Variants in ALDH1A3 observed in about 807,000 individuals in gnomAD.
The protein encoded by ALDH1A3 is retinaldehyde dehydrogenase 3.
In ALDH1A3, 28 loss-of-function variants were observed where a neutral mutation model predicts 57.5. The ratio of observed to expected loss-of-function variants is 0.49; its 90% CI spans 0.36 to 0.67. ALDH1A3 has a LOEUF of 0.67. Among genes scored for constraint, ALDH1A3 ranks in the 30% least tolerant of loss-of-function variants. ALDH1A3 has a pLI of 0.00. For missense variants in ALDH1A3, 507 were observed against 669.4 expected, an observed-to-expected ratio of 0.76 and a Z score of 2.68; for synonymous variants, 281 against 264.8, an observed-to-expected ratio of 1.06 and a Z score of -0.59.
intron 1 of ALDH1A3, among the ~76,000 whole-genome samples, chr15:100,883,839 G>C (rs1163181966): frequency 6.6e-6 from 1 of 152,146 alleles, no homozygotes; most frequent in African/African-American, 2.4e-5. Context: ...CAAGACTCAT[G>C]CTTAGGAGAT....
intron 11 of ALDH1A3, among the ~76,000 whole-genome samples, chr15:100,907,844 C>CTTTCTTTT (rs2041838523): frequency 1.2e-5 from 1 of 81,910 alleles, no homozygotes; most frequent in Non-Finnish European, 2.1e-5. Context: ...TTCTTTCTTT[C>CTTTCTTTT]TTTTTTTTTT....
chr15:100,880,070 G>A lies in ALDH1A3; in HGVS notation c.99+64G>A, dbSNP rs770851706. On this transcript the variant is annotated intron_variant, in intron 1 of 12. Transcript: ENST00000329841. ...CCTGCGCTGGGCAGCCAGACTCGGGGCGGCGGGGGCGAGGGAGCAGCGGGC... is the reference window on the plus strand; with the variant it reads ...CCTGCGCTGGGCAGCCAGACTCGGGACGGCGGGGGCGAGGGAGCAGCGGGC... 1.3e-4 allele frequency: 165 copies of A among 1,223,916 alleles called. No homozygotes were observed. The Middle Eastern group carries it at 1.7e-3, about 13-fold the overall frequency. The allele number at this position is 1,223,916 out of a possible 1,614,324, so 75.8% of individuals were successfully genotyped here.
At chr15:100,880,124 C>G (rs906343109) in intron 1 of ALDH1A3, 118 bp downstream of exon 1, 17 of 640,114 alleles carry the variant, frequency 2.7e-5, no homozygotes, top group Non-Finnish European at 3.3e-5. Flanking sequence ...CGCCGAGACC[C>G]GAGCCTCCCT....
chr15:100,900,893 T>G (rs1429910555), intron 9 of ALDH1A3, 134 bp downstream of exon 9: 4 of 985,030 alleles, frequency 4.1e-6, no homozygotes, highest in Non-Finnish European at 5.9e-6. Context: ...CTTTCTTTTC[T>G]TTAGAAACTG....
Position 100,914,895 on chromosome 15 carries a change from T to A in ALDH1A3, c.*122T>A. 1.2e-6 allele frequency: 1 copy of A among 855,276 alleles called. No homozygotes were observed. Among genetic ancestry groups the A allele is most frequent in the Non-Finnish European group, 1.8e-6 (1 of 549,006 alleles). The allele number at this position is 855,276 out of a possible 1,614,324, so 53.0% of individuals were successfully genotyped here. A position where few individuals can be genotyped will look rare whatever the true frequency, so the allele number is the denominator to read the frequency against. ...CACATTCTTCTGGAGGCTTTACATC[T>A]ACTGGAGTTGAATGATTGCTGTTTT... On this transcript the variant is annotated 3_prime_UTR_variant, in exon 13 of 13. Transcript: ENST00000329841.
rs755197970 is a variant in ALDH1A3, at chr15:100,905,690, A to G, written c.1233+3A>G. On this transcript the variant is annotated splice_donor_region_variant and intron_variant, in intron 10 of 12. Transcript: ENST00000329841. ...ACATGCGGATTGCCAAAGAGGAGGT[A>G]CAAGGGGGCTGTGGCAAGGCTACGA... 3.8e-6 allele frequency: 6 copies of G among 1,559,338 alleles called. No individual in the cohort carries two copies. The highest frequency in any genetic ancestry group is 1.4e-5 in the African/African-American group (1 of 72,922).
chr15:100,914,698 C>T lies in ALDH1A3; in HGVS notation c.1467-3C>T. 6.2e-7 allele frequency: 1 copy of T among 1,613,870 alleles called. No individual in the cohort carries two copies. The highest frequency in any genetic ancestry group is 1.1e-5 in the South Asian group (1 of 91,018). ...TGAATTTTCCTCTTTTCTGTGATCA[C>T]AGAGGTGAATACGCTTTGGCCGAAT... On this transcript the variant is annotated splice_region_variant and splice_polypyrimidine_tract_variant and intron_variant, in intron 12 of 12. Transcript: ENST00000329841.
intron 4 of ALDH1A3, 43 bp from the exon 5 acceptor site, chr15:100,892,902 A>G: frequency 6.2e-7 from 1 of 1,601,706 alleles, no homozygotes. Context: ...CCTAACCTGG[A>G]CTAAGTGAGT....
chr15:100,896,715 A>G (rs563761072), intron 7 of ALDH1A3, among the ~76,000 whole-genome samples: 3 of 152,240 alleles, frequency 2.0e-5, no homozygotes, highest in Non-Finnish European at 2.9e-5. Context: ...AGAAAAAACT[A>G]CTTAGAGAAA....
intron 7 of ALDH1A3, 131 bp downstream of exon 7, chr15:100,896,177 A>G (rs2041701860): frequency 1.4e-6 from 1 of 707,462 alleles, no homozygotes. Flanking sequence ...GTACATAACA[A>G]CCAGTTAAAA....
chr15:100,913,418 C>T (rs893519539), intron 12 of ALDH1A3: 3 of 152,188 alleles, frequency 2.0e-5, no homozygotes, highest in South Asian at 2.1e-4. Context: ...AGAGGCTGCT[C>T]GCATTCCTAG....
intron 12 of ALDH1A3, among the ~76,000 whole-genome samples, chr15:100,911,946 G>A (rs1260813021): frequency 2.0e-5 from 3 of 152,188 alleles, no homozygotes; most frequent in Admixed American, 6.5e-5. Context: ...ATGCAACATT[G>A]TATTCTCACT....
At chr15:100,908,919 G>A (rs939716065) in intron 12 of ALDH1A3, among the ~76,000 whole-genome samples, 6 of 151,944 alleles carry the variant, frequency 3.9e-5, no homozygotes, top group African/African-American at 1.5e-4. Flanking sequence ...TCTGAGCCTA[G>A]TAGGGGACCT....
chr15:100,905,165 A>G (rs926404698), intron 9 of ALDH1A3, among the ~76,000 whole-genome samples: 2 of 152,338 alleles, frequency 1.3e-5, no homozygotes, highest in South Asian at 2.1e-4. Flanking sequence ...TATTTGCTAA[A>G]TTTGGCAACC....
intron 12 of ALDH1A3, 90 bp from the exon 13 acceptor site, chr15:100,914,611 C>T: frequency 7.9e-7 from 1 of 1,265,150 alleles, no homozygotes; most frequent in East Asian, 2.4e-5. Context: ...CCTCCAACGG[C>T]CTGATGGAAT....
intron 8 of ALDH1A3, among the ~76,000 whole-genome samples, 154 bp from the exon 9 acceptor site, chr15:100,900,421 A>G (rs1217323827): frequency 6.6e-6 from 1 of 152,224 alleles, no homozygotes; most frequent in African/African-American, 2.4e-5. Flanking sequence ...TCTATTTGGG[A>G]AAGTCTGCAA....
chr15:100,907,642 G>T (rs2041835530), intron 11 of ALDH1A3, among the ~76,000 whole-genome samples: 1 of 152,110 alleles, frequency 6.6e-6, no homozygotes, highest in South Asian at 2.1e-4. Flanking sequence ...GTGGATACTA[G>T]TCTCTGCCTC....
At position 100,894,458 on chromosome 15, in the gene ALDH1A3, G is replaced by T; in HGVS notation, c.666+376G>T. On this transcript the variant is annotated intron_variant, in intron 6 of 12. Coordinates refer to ENST00000329841, the MANE Select transcript of ALDH1A3 (RefSeq NM_000693.4). This position sits in a 1 kb window ranked among gnomAD's most constrained non-coding sequence, Gnocchi z 4.5. The stretch of plus-strand genomic sequence containing the variant: ...AAATGGTCCATTTTTCTCTGGAGAG[G>T]TGGCCTCGTCAGCTCTAGCTGGGCG... 2 of 206,886 alleles carry T rather than the reference G, an allele frequency of 9.7e-6. No individual in the cohort carries two copies. Among genetic ancestry groups the T allele is most frequent in the South Asian group, 1.7e-4 (2 of 11,980 alleles). The allele number at this position is 206,886 out of a possible 1,614,324, so 12.8% of individuals were successfully genotyped here.
In ALDH1A3 at chr15:100,894,055, C is replaced by T; in HGVS notation, c.639C>T (p.Ala213=). ...LKPAEQTPLT[A]LYLGSLIKEA... ...CTGCGGAGCAGACACCTCTCACCGCCCTTTATCTCGGCTCTCTGATCAAAG... is the reference window on the plus strand; with the variant it reads ...CTGCGGAGCAGACACCTCTCACCGCTCTTTATCTCGGCTCTCTGATCAAAG... Residue 213 remains alanine (A), a synonymous_variant, in exon 6 of 13, where the codon GCC becomes GCT. Transcript: ENST00000329841. This position sits in a 1 kb window ranked among gnomAD's most constrained non-coding sequence, Gnocchi z 4.5. The T allele has an allele frequency of 6.2e-7, 1 of 1,614,144 alleles. No homozygotes were observed. Among genetic ancestry groups the T allele is most frequent in the East Asian group, 2.2e-5 (1 of 44,880 alleles).
Sources: allele counts gnomAD v4.1 joint callset (sites outside exome capture counted in the v4.1 genomes callset), GRCh38; gene constraint gnomAD v4.1.1; non-coding constraint Gnocchi (gnomAD v3.1); transcripts MANE v1.5; gene names NCBI Gene and HGNC (gene_info 2026-07-23, HGNC 2026-07-21).